IL1RAPL2: variants seen among roughly 807,000 people sequenced by gnomAD.
The protein encoded by IL1RAPL2 is X-linked interleukin-1 receptor accessory protein-like 2.
A neutral mutation model predicts 44.1 loss-of-function variants in IL1RAPL2; 3 were observed. The observed-to-expected ratio is 0.07, with a 90% CI of 0.03 to 0.18. The LOEUF (loss-of-function observed/expected upper bound fraction) is 0.18. IL1RAPL2 is among the 10% of genes least tolerant of loss of function. The pLI is 1.00. For missense variants in IL1RAPL2, 391 were observed against 496.4 expected (o/e 0.79, Z 2.02); for synonymous variants, 181 against 178.8 (o/e 1.01, Z -0.10).
intron 6 of IL1RAPL2, among the ~76,000 whole-genome samples, chrX:105,665,099 A>G (rs2037749268): frequency 8.9e-6 from 1 of 112,137 alleles, no homozygotes; most frequent in Non-Finnish European, 1.9e-5. Context: ...GGACCAGGCA[A>G]CAGTAGGCTA....
intron 2 of IL1RAPL2, among the ~76,000 whole-genome samples, chrX:104,906,551 C>G (rs185019735): frequency 0.054 from 6,068 of 111,574 alleles, 437 homozygotes; most frequent in African/African-American, 0.19. Flanking sequence ...TTTTCTGCAT[C>G]TATTGAGATA....
chrX:105,042,260 CA>C (rs1294156550), intron 2 of IL1RAPL2, among the ~76,000 whole-genome samples: 3 of 108,289 alleles, frequency 2.8e-5, no homozygotes, highest in African/African-American at 6.7e-5. Context: ...TTCTGCACAG[CA>C]AAAGAAACTA....
chrX:105,316,239 A>G (rs1231462477), intron 5 of IL1RAPL2, among the ~76,000 whole-genome samples: 1 of 111,205 alleles, frequency 9.0e-6, no homozygotes, highest in Non-Finnish European at 1.9e-5. Flanking sequence ...AAGTCACTGA[A>G]CTCCAGCCTG....
chrX:105,607,635 CAAAAAAAAA>C (rs11377516), intron 6 of IL1RAPL2, among the ~76,000 whole-genome samples: 2 of 15,727 alleles, frequency 1.3e-4, no homozygotes, highest in African/African-American at 2.2e-4. Flanking sequence ...ATTCAGCAGA[CAAAAAAAAA>C]AAAAAAAAAA....
chrX:104,791,002 C>G (rs1932822846), intron 2 of IL1RAPL2, among the ~76,000 whole-genome samples: 1 of 111,765 alleles, frequency 8.9e-6, no homozygotes, highest in South Asian at 3.7e-4. Context: ...ATATCATCCT[C>G]ATAACAACCC....
At chrX:105,196,659 A>T in intron 3 of IL1RAPL2, among the ~76,000 whole-genome samples, 1 of 111,535 alleles carries the variant, frequency 9.0e-6, no homozygotes, top group South Asian at 3.8e-4. Context: ...GCTTGCAAGA[A>T]GTTTACAGTA....
chrX:105,030,226 C>T (rs1038615056), intron 2 of IL1RAPL2, among the ~76,000 whole-genome samples: 1 of 111,358 alleles, frequency 9.0e-6, no homozygotes, highest in Non-Finnish European at 1.9e-5. Context: ...GTTTCTTTTG[C>T]TGTGCAGAAG....
intron 3 of IL1RAPL2, chrX:105,220,482 C>G (rs868955037): frequency 1.1e-6 from 1 of 875,772 alleles, no homozygotes; most frequent in South Asian, 2.8e-5. Flanking sequence ...AGCCCCTCCC[C>G]TCATCCATCT....
chrX:104,658,945 T>G lies in IL1RAPL2; in HGVS notation c.32T>G (p.Val11Gly), dbSNP rs142515452. ...CCACCATTTCTTTTGGCCCTTGTGGTCTGTTCTGTAGTCAGCACAAATCTG... is the reference window on the plus strand; with the variant it reads ...CCACCATTTCTTTTGGCCCTTGTGGGCTGTTCTGTAGTCAGCACAAATCTG... The part of the protein sequence containing the change: MKPPFLLALV[V>G]CSVVSTNLKM... Residue 11 changes from valine (V) to glycine (G), a missense_variant, in exon 2 of 11, where the codon GTC (valine) becomes GGC (glycine). Val to Gly is a moderately radical substitution (Grantham distance 109). Transcript: ENST00000372582. The G allele has an allele frequency of 8.3e-6, 10 of 1,206,142 alleles. No homozygotes were observed. Among genetic ancestry groups the G allele is most frequent in the Non-Finnish European group, 1.1e-5 (10 of 893,141 alleles).
intron 2 of IL1RAPL2, among the ~76,000 whole-genome samples, chrX:105,010,605 A>G (rs1045883746): frequency 1.8e-5 from 2 of 111,733 alleles, no homozygotes; most frequent in Admixed American, 1.9e-4. Context: ...GTGCAGCTTC[A>G]TCTTTGATTC....
At chrX:105,121,275 C>T (rs1924283645) in intron 2 of IL1RAPL2, among the ~76,000 whole-genome samples, 1 of 111,448 alleles carries the variant, frequency 9.0e-6, no homozygotes, top group Non-Finnish European at 1.9e-5. Flanking sequence ...AGCACATCAC[C>T]GAATTTATGT....
intron 6 of IL1RAPL2, among the ~76,000 whole-genome samples, chrX:105,534,851 A>G (rs1234055408): frequency 8.9e-6 from 1 of 112,161 alleles, no homozygotes; most frequent in Non-Finnish European, 1.9e-5. Flanking sequence ...CTCATACCTT[A>G]TACAGTAGTT....
intron 2 of IL1RAPL2, among the ~76,000 whole-genome samples, chrX:104,941,486 C>A (rs1925173910): frequency 8.9e-6 from 1 of 111,910 alleles, no homozygotes. Flanking sequence ...TGTCTGTTGG[C>A]TGCATAAATG....
At chrX:105,040,562 T>C (rs763460807) in intron 2 of IL1RAPL2, among the ~76,000 whole-genome samples, 2,102 of 110,642 alleles carry the variant, frequency 0.019, 50 homozygotes, top group African/African-American at 0.066. Flanking sequence ...TTTCAGATCC[T>C]GTTATTGGTC....
intron 6 of IL1RAPL2, among the ~76,000 whole-genome samples, chrX:105,615,691 A>T (rs1025614023): frequency 2.8e-4 from 31 of 112,097 alleles, no homozygotes; most frequent in African/African-American, 1.0e-3. Context: ...TGAGAAACGT[A>T]GTGAGGGGTT....
At chrX:105,269,801 G>A (rs1334744523) in intron 5 of IL1RAPL2, among the ~76,000 whole-genome samples, 1 of 111,883 alleles carries the variant, frequency 8.9e-6, no homozygotes, top group Admixed American at 9.6e-5. Context: ...GCTGAATCTT[G>A]TAACATTATA....
At chrX:105,444,323 C>T (rs2035940571) in intron 5 of IL1RAPL2, among the ~76,000 whole-genome samples, 1 of 111,316 alleles carries the variant, frequency 9.0e-6, no homozygotes, top group Non-Finnish European at 1.9e-5. Context: ...TTTTCCTTTG[C>T]TGTGCAGAAG....
intron 2 of IL1RAPL2, among the ~76,000 whole-genome samples, chrX:105,071,761 C>G: frequency 8.9e-6 from 1 of 111,738 alleles, no homozygotes; most frequent in Middle Eastern, 4.6e-3. Flanking sequence ...TAGTAATATA[C>G]AATGGGGAAA....
chrX:105,094,441 A>T (rs1172311372), intron 2 of IL1RAPL2, among the ~76,000 whole-genome samples: 2 of 111,716 alleles, frequency 1.8e-5, no homozygotes, highest in Non-Finnish European at 3.8e-5. Context: ...CATTGAAAAA[A>T]TTCTTTCCTT....
Sources: gnomAD v4.1 joint callset for allele counts (sites outside exome capture counted in the v4.1 genomes callset) on GRCh38, gnomAD v4.1.1 for gene constraint, MANE v1.5 for transcripts, NCBI Gene and HGNC (gene_info 2026-07-23, HGNC 2026-07-21) for gene names.